IMMP2L: variants seen among roughly 807,000 people sequenced by gnomAD.
IMMP2L encodes inner mitochondrial membrane peptidase subunit 2.
A neutral mutation model predicts 19.3 loss-of-function variants in IMMP2L; 18 were observed. That is an observed-to-expected ratio of 0.93 (90% CI 0.64 to 1.38). The LOEUF is 1.38. Ranked by LOEUF, IMMP2L falls within the 40% of genes most tolerant of loss-of-function variation. The pLI is 0.00. For synonymous variants in IMMP2L, 76 were observed against 73.0 expected (o/e 1.04, Z -0.21); for missense variants, 233 against 218.2 (o/e 1.07, Z -0.43).
chr7:110,786,026 T>C (rs911149451), intron 5 of IMMP2L, among the ~76,000 whole-genome samples: 1 of 151,938 alleles, frequency 6.6e-6, no homozygotes, highest in African/African-American at 2.4e-5. Context: ...TAAGTCCTTT[T>C]ATAAATGAAA....
At chr7:110,724,911 T>C (rs1021146877) in intron 5 of IMMP2L, among the ~76,000 whole-genome samples, 6 of 152,188 alleles carry the variant, frequency 3.9e-5, no homozygotes, top group African/African-American at 1.4e-4. Context: ...TGTTAAAACC[T>C]GCACGACCTT....
intron 3 of IMMP2L, among the ~76,000 whole-genome samples, chr7:111,058,337 T>C (rs982894882): frequency 1.3e-5 from 2 of 152,310 alleles, no homozygotes; most frequent in East Asian, 1.9e-4. Context: ...ATAATGTGTA[T>C]TTTACACTCA....
chr7:111,195,503 T>C (rs1372690108), intron 3 of IMMP2L, among the ~76,000 whole-genome samples: 1 of 152,140 alleles, frequency 6.6e-6, no homozygotes, highest in Non-Finnish European at 1.5e-5. Context: ...ATTTCAATCA[T>C]GTCTCTTTAT....
chr7:111,328,958 T>C (rs1825611666), intron 3 of IMMP2L, among the ~76,000 whole-genome samples: 1 of 151,784 alleles, frequency 6.6e-6, no homozygotes, highest in Non-Finnish European at 1.5e-5. Context: ...AAAAAAGCCA[T>C]TGATTTTTAC....
At chr7:111,240,984 C>G (rs779319476) in intron 3 of IMMP2L, among the ~76,000 whole-genome samples, 2 of 151,726 alleles carry the variant, frequency 1.3e-5, no homozygotes, top group African/African-American at 2.4e-5. Flanking sequence ...ACAGGTGGTA[C>G]AGTTATAATA....
Position 110,695,098 on chromosome 7 carries a change from G to A in IMMP2L, c.409-31377C>T, listed in dbSNP as rs192930022. Among the ~76,000 whole-genome samples the A allele has an allele frequency of 2.0e-5, 3 of 152,194 alleles. No homozygotes were observed. The East Asian group carries it at 5.8e-4, about 29-fold the overall frequency. On this transcript the variant is annotated intron_variant, in intron 5 of 5. Transcript: ENST00000405709. ...GGAGTAATTTGTTAACAGATAAGAG[G>A]TTTCCTTTGGGGTAATGAAAATATT... is the stretch of plus-strand genomic sequence containing the variant.
At chr7:111,395,461 T>G (rs1832769636) in intron 3 of IMMP2L, among the ~76,000 whole-genome samples, 1 of 152,314 alleles carries the variant, frequency 6.6e-6, no homozygotes, top group African/African-American at 2.4e-5. Flanking sequence ...TGAGCAAAAT[T>G]TCTTTATTTC....
chr7:111,093,340 T>G (rs1038700909), intron 3 of IMMP2L, among the ~76,000 whole-genome samples: 4 of 152,232 alleles, frequency 2.6e-5, no homozygotes, highest in African/African-American at 9.6e-5. Context: ...TTTGCTTTTC[T>G]GCTATTTATT....
intron 3 of IMMP2L, among the ~76,000 whole-genome samples, chr7:111,325,297 G>A (rs1426151165): frequency 6.6e-6 from 1 of 151,640 alleles, no homozygotes. Flanking sequence ...TATATAAAAT[G>A]AGAACCTTTT....
chr7:111,280,894 C>G (rs1819621926), intron 3 of IMMP2L, among the ~76,000 whole-genome samples: 1 of 151,738 alleles, frequency 6.6e-6, no homozygotes, highest in African/African-American at 2.4e-5. Context: ...ACGGTGAAAC[C>G]CTGTCTCTAC....
intron 3 of IMMP2L, among the ~76,000 whole-genome samples, chr7:111,099,470 C>G (rs1304173744): frequency 1.3e-5 from 2 of 151,662 alleles, no homozygotes; most frequent in Non-Finnish European, 3.0e-5. Context: ...CTGAGCCAAA[C>G]CTAAAACTTT....
chr7:111,424,265 A>G lies in IMMP2L; in HGVS notation c.239+62973T>C, dbSNP rs1416497370. Among the ~76,000 whole-genome samples the G allele has an allele frequency of 2.0e-5, 3 of 151,946 alleles. No individual in the cohort carries two copies. In the East Asian group the frequency reaches 5.8e-4, roughly 29 times the overall value. On this transcript the variant is annotated intron_variant, in intron 3 of 5. Transcript: ENST00000405709. ...AACACTGTTACAACGCAAGTGCACA[A>G]CAAATATCTGTTTAAGTAGCCAGGA...
At chr7:111,195,338 T>C (rs908926302) in intron 3 of IMMP2L, among the ~76,000 whole-genome samples, 4 of 152,136 alleles carry the variant, frequency 2.6e-5, no homozygotes, top group African/African-American at 9.7e-5. Context: ...CTGTTTCAAC[T>C]GATACCAATT....
intron 5 of IMMP2L, among the ~76,000 whole-genome samples, chr7:110,737,632 G>A (rs1796726007): frequency 6.6e-6 from 1 of 152,142 alleles, no homozygotes; most frequent in African/African-American, 2.4e-5. Context: ...GGAACTCTAT[G>A]GCCCTGCCCA....
chr7:111,547,941 C>T (rs1174438109), intron 1 of IMMP2L, among the ~76,000 whole-genome samples: 1 of 152,062 alleles, frequency 6.6e-6, no homozygotes, highest in African/African-American at 2.4e-5. Flanking sequence ...ACACTGGTCT[C>T]AAACTCCCAG....
chr7:110,785,100 T>C (rs1173011526), intron 5 of IMMP2L, among the ~76,000 whole-genome samples: 1 of 151,872 alleles, frequency 6.6e-6, no homozygotes, highest in Non-Finnish European at 1.5e-5. Context: ...GATAAGTAAA[T>C]TTTGGTGTTA....
chr7:110,972,636 G>A (rs1010537140), intron 3 of IMMP2L, among the ~76,000 whole-genome samples: 4 of 152,034 alleles, frequency 2.6e-5, no homozygotes, highest in Admixed American at 6.6e-5. Flanking sequence ...AAGATCATAA[G>A]GGAACTTTGG....
At chr7:110,689,259 AGT>A (rs1302466216) in intron 5 of IMMP2L, among the ~76,000 whole-genome samples, 2 of 152,306 alleles carry the variant, frequency 1.3e-5, no homozygotes, top group East Asian at 3.9e-4. Context: ...TAAAAAAGTG[AGT>A]GTGTTTCCTT....
chr7:111,369,381 T>C (rs980945381), intron 3 of IMMP2L, among the ~76,000 whole-genome samples: 1 of 151,394 alleles, frequency 6.6e-6, no homozygotes, highest in African/African-American at 2.4e-5. Flanking sequence ...TACAGTTGTA[T>C]AAAATTCATT....
Sources: allele counts gnomAD v4.1 joint callset (sites outside exome capture counted in the v4.1 genomes callset), GRCh38; gene constraint gnomAD v4.1.1; transcripts MANE v1.5; gene names NCBI Gene and HGNC (gene_info 2026-07-23, HGNC 2026-07-21).